Variants in SGIP1 observed in about 807,000 individuals in gnomAD.
SGIP1 encodes SH3-containing GRB2-like protein 3-interacting protein 1.
A neutral mutation model predicts 107.5 loss-of-function variants in SGIP1; 38 were observed. The ratio of observed to expected loss-of-function variants is 0.35; its 90% CI spans 0.27 to 0.46. SGIP1 has a LOEUF of 0.46. Among genes scored for constraint, SGIP1 ranks in the 20% least tolerant of loss-of-function variants. SGIP1 has a pLI of 1.00. For synonymous variants in SGIP1, 365 were observed against 366.1 expected (o/e 1.00, Z 0.03); for missense variants, 929 against 1,019.5 (o/e 0.91, Z 1.21).
chr1:66,738,557 C>T (rs1199849393), intron 21 of SGIP1, among the ~76,000 whole-genome samples: 3 of 152,200 alleles, frequency 2.0e-5, no homozygotes, highest in South Asian at 2.1e-4. Context: ...TTTGTTGATT[C>T]TTCAAACCTG....
intron 2 of SGIP1, among the ~76,000 whole-genome samples, chr1:66,631,213 T>C (rs541994189): frequency 5.7e-4 from 87 of 152,276 alleles, no homozygotes; most frequent in African/African-American, 1.9e-3. Context: ...ACTATGACCA[T>C]GATAACCCAC....
At chr1:66,642,753 T>A in intron 5 of SGIP1, 57 bp from the exon 6 acceptor site, 1 of 1,437,154 alleles carries the variant, frequency 7.0e-7, no homozygotes, top group Non-Finnish European at 9.5e-7. Context: ...AGAAAAAAAA[T>A]AATTTCTTGA....
At chr1:66,670,380 A>G (rs1411621762) in intron 9 of SGIP1, among the ~76,000 whole-genome samples, 1 of 152,232 alleles carries the variant, frequency 6.6e-6, no homozygotes, top group African/African-American at 2.4e-5. Context: ...ATTACTTCCA[A>G]TTCATGAATT....
At chr1:66,613,061 C>G (rs780602369) in intron 1 of SGIP1, among the ~76,000 whole-genome samples, 2 of 152,154 alleles carry the variant, frequency 1.3e-5, no homozygotes, top group Non-Finnish European at 2.9e-5. Context: ...AGCTTTTAAA[C>G]AAGTATACAG....
chr1:66,691,280 C>T (rs991450187), intron 17 of SGIP1, among the ~76,000 whole-genome samples: 1 of 152,148 alleles, frequency 6.6e-6, no homozygotes, highest in Non-Finnish European at 1.5e-5. Context: ...GCAGTCTGCC[C>T]AGTTGCCTAT....
At chr1:66,638,659 G>A (rs1023984976) in intron 4 of SGIP1, among the ~76,000 whole-genome samples, 1 of 152,146 alleles carries the variant, frequency 6.6e-6, no homozygotes, top group Non-Finnish European at 1.5e-5. Flanking sequence ...TCCATAGAAT[G>A]CCCAGTCAAT....
chr1:66,556,992 T>A (rs2058274526), intron 1 of SGIP1, among the ~76,000 whole-genome samples: 2 of 152,112 alleles, frequency 1.3e-5, no homozygotes, highest in African/African-American at 4.8e-5. Context: ...AGTTTAACAT[T>A]CAGATTTTTT....
At chr1:66,651,787 C>A (rs1243236134) in intron 7 of SGIP1, among the ~76,000 whole-genome samples, 3 of 152,170 alleles carry the variant, frequency 2.0e-5, no homozygotes, top group Non-Finnish European at 4.4e-5. Flanking sequence ...TGTGATTTCT[C>A]ATTTATTAAA....
chr1:66,589,212 A>ATGTGTGTGTGTGTGTGTGTGTGTG (rs1203908242), intron 1 of SGIP1, among the ~76,000 whole-genome samples: 24 of 89,798 alleles, frequency 2.7e-4, no homozygotes, highest in Non-Finnish European at 3.5e-4. Flanking sequence ...ATATATATAT[A>ATGTGTGTGTGTGTGTGTGTGTGTG]TATATGTAAG....
intron 19 of SGIP1, among the ~76,000 whole-genome samples, chr1:66,725,332 C>T (rs114719402): frequency 0.016 from 2,449 of 152,306 alleles, 64 homozygotes; most frequent in African/African-American, 0.056. Context: ...AGCACCTCAC[C>T]TGAACCATGT....
intron 7 of SGIP1, among the ~76,000 whole-genome samples, chr1:66,648,655 A>C (rs1047920469): frequency 6.6e-6 from 1 of 152,138 alleles, no homozygotes; most frequent in Non-Finnish European, 1.5e-5. Context: ...TATCAGAGAG[A>C]GTGATAGGTT....
At chr1:66,706,563 G>C (rs964515082) in intron 18 of SGIP1, among the ~76,000 whole-genome samples, 2 of 150,156 alleles carry the variant, frequency 1.3e-5, no homozygotes, top group African/African-American at 4.9e-5. Flanking sequence ...AAAGAAAAAA[G>C]AAAAAGGAAA....
chr1:66,675,182 T>C (rs1313406183), intron 12 of SGIP1, among the ~76,000 whole-genome samples: 1 of 152,234 alleles, frequency 6.6e-6, no homozygotes, highest in Non-Finnish European at 1.5e-5. Flanking sequence ...GAAAACTTTA[T>C]GTAAAACATA....
chr1:66,565,417 GA>G (rs1243688795), intron 1 of SGIP1, among the ~76,000 whole-genome samples: 1 of 151,928 alleles, frequency 6.6e-6, no homozygotes, highest in Non-Finnish European at 1.5e-5. Flanking sequence ...GAAATGAGTA[GA>G]AATTCAAACT....
rs778629866 is a variant in SGIP1 at position 66,667,521 on chromosome 1, T to C, written c.472-9T>C. 14 of 1,613,510 alleles carry C rather than the reference T, an allele frequency of 8.7e-6. No individual in the cohort carries two copies. The East Asian group carries it at 2.7e-4, about 31-fold the overall frequency. ...GTGTCTGTTCTCTCTTCCTTTTTGC[T>C]GATCACAGAGGCGCAGCCCGGTAAG... On this transcript the variant is annotated splice_polypyrimidine_tract_variant and intron_variant, in intron 8 of 24. Transcript: ENST00000371037.
At chr1:66,555,139 G>A (rs919886174) in intron 1 of SGIP1, among the ~76,000 whole-genome samples, 12 of 151,878 alleles carry the variant, frequency 7.9e-5, no homozygotes, top group African/African-American at 1.5e-4. Context: ...TGCTACTCCC[G>A]GAATCCTGAA....
intron 18 of SGIP1, among the ~76,000 whole-genome samples, chr1:66,705,562 A>G (rs542827759): frequency 1.3e-5 from 2 of 152,246 alleles, no homozygotes; most frequent in African/African-American, 4.8e-5. Flanking sequence ...CTTTACACAC[A>G]GCCCATTTGC....
intron 18 of SGIP1, among the ~76,000 whole-genome samples, chr1:66,713,651 A>G (rs1386837793): frequency 6.6e-6 from 1 of 152,114 alleles, no homozygotes; most frequent in East Asian, 1.9e-4. Context: ...TTTATACAAT[A>G]AACTCCATAG....
intron 1 of SGIP1, among the ~76,000 whole-genome samples, chr1:66,548,957 G>C (rs2056921691): frequency 6.6e-6 from 1 of 152,114 alleles, no homozygotes; most frequent in Admixed American, 6.6e-5. Flanking sequence ...ATTGTTCCTG[G>C]TCTAGTTTCC....
Sources: gnomAD v4.1 joint callset for allele counts (sites outside exome capture counted in the v4.1 genomes callset) on GRCh38, gnomAD v4.1.1 for gene constraint, MANE v1.5 for transcripts, NCBI Gene and HGNC (gene_info 2026-07-23, HGNC 2026-07-21) for gene names.